Variants in CREB5 observed in about 807,000 individuals in gnomAD.
CREB5 encodes the protein cAMP responsive element binding protein 5.
CREB5 carries 19 observed loss-of-function variants against 57.1 expected under a neutral mutation model. The ratio of observed to expected loss-of-function variants is 0.33; its 90% CI spans 0.23 to 0.49. The LOEUF (loss-of-function observed/expected upper bound fraction) is 0.49, where lower values mean the gene tolerates loss of function less well. Among genes scored for constraint, CREB5 ranks in the 20% least tolerant of loss-of-function variants. CREB5 has a pLI of 0.99. For synonymous variants in CREB5, 238 were observed against 238.3 expected, an observed-to-expected ratio of 1.00 and a Z score of 0.01; for missense variants, 579 against 671.6, an observed-to-expected ratio of 0.86 and a Z score of 1.52.
At chr7:28,755,855 G>A (rs1354420918) in intron 7 of CREB5, among the ~76,000 whole-genome samples, 1 of 151,994 alleles carries the variant, frequency 6.6e-6, no homozygotes, top group Non-Finnish European at 1.5e-5. Flanking sequence ...AGTGTTAGTG[G>A]CCAAAGAGTG....
Position 28,542,563 on chromosome 7 carries a change from C to T in CREB5, c.292-27802C>T, listed in dbSNP as rs141770350. ...ACCAATCATCAGTAATGCAGAGGGA[C>T]GTGAGTGCACGGGTGTGTGTGTGAG... On this transcript the variant is annotated intron_variant, in intron 4 of 10. Coordinates refer to ENST00000357727, the MANE Select transcript of CREB5 (RefSeq NM_182898.4). 5.1e-3 allele frequency among the ~76,000 whole-genome samples: 776 copies of T among 152,158 alleles called. 6 individuals are homozygous for T. Among genetic ancestry groups the T allele is most frequent in the African/African-American group, 0.017 (696 of 41,520 alleles).
chr7:28,682,670 C>T (rs1157199443), intron 5 of CREB5, among the ~76,000 whole-genome samples: 1 of 141,670 alleles, frequency 7.1e-6, no homozygotes, highest in Non-Finnish European at 1.5e-5. Flanking sequence ...AGAATAAATT[C>T]AAACCTAAAA....
At chr7:28,779,735 A>G (rs1275993068) in intron 7 of CREB5, among the ~76,000 whole-genome samples, 15 of 152,286 alleles carry the variant, frequency 9.8e-5, no homozygotes, top group Non-Finnish European at 4.4e-5. Context: ...CTTGTTAGAA[A>G]TTTGGAATTT....
At chr7:28,730,096 G>A (rs1803532867) in intron 7 of CREB5, among the ~76,000 whole-genome samples, 1 of 152,170 alleles carries the variant, frequency 6.6e-6, no homozygotes, top group South Asian at 2.1e-4. Context: ...CCTGAATCAA[G>A]CACTTATGTA....
At chr7:28,811,226 C>T (rs118004020) in intron 9 of CREB5, among the ~76,000 whole-genome samples, 197 of 152,286 alleles carry the variant, frequency 1.3e-3, no homozygotes, top group Non-Finnish European at 2.1e-3. Flanking sequence ...ATGAATTCCT[C>T]ATAGCTGGAG....
At chr7:28,654,025 A>G (rs927339504) in intron 5 of CREB5, among the ~76,000 whole-genome samples, 1 of 151,840 alleles carries the variant, frequency 6.6e-6, no homozygotes, top group African/African-American at 2.4e-5. Context: ...TCCCCCATTT[A>G]CTTGCCTTTA....
chr7:28,706,797 C>G (rs979836785), intron 5 of CREB5, among the ~76,000 whole-genome samples: 1 of 152,162 alleles, frequency 6.6e-6, no homozygotes, highest in South Asian at 2.1e-4. Flanking sequence ...CCCCATACCC[C>G]CTGTTCAAGC....
rs1314317818 is a variant in CREB5, at chr7:28,560,891, T to TGCGCGCGCGCGTGCGCGTGC, written c.292-9473_292-9472insCGCGCGCGCGTGCGCGTGCG. ...CTGCGTGCGCGTGCGTGCGTGCGTG[T>TGCGCGCGCGCGTGCGCGTGC]GTGTGCGTGCGCGCGTGCGTGTGCG... is the stretch of plus-strand genomic sequence containing the variant. On this transcript the variant is annotated intron_variant, in intron 4 of 10. Transcript: ENST00000357727. Among the ~76,000 whole-genome samples the TGCGCGCGCGCGTGCGCGTGC allele has an allele frequency of 1.3e-3, 26 of 19,722 alleles. 1 individual carries two copies. Among genetic ancestry groups the TGCGCGCGCGCGTGCGCGTGC allele is most frequent in the Non-Finnish European group, 2.1e-3 (23 of 10,800 alleles). The allele number at this position is 19,722 out of a possible 152,430, so 12.9% of individuals were successfully genotyped here.
chr7:28,591,910 G>T (rs1365246544), intron 5 of CREB5, among the ~76,000 whole-genome samples: 3 of 152,182 alleles, frequency 2.0e-5, no homozygotes, highest in Non-Finnish European at 4.4e-5. Context: ...AAGTGAAGAA[G>T]CCCTGAGGGG....
chr7:28,804,535 C>A lies in CREB5; in HGVS notation c.1026+13C>A. On this transcript the variant is annotated intron_variant, in intron 8 of 10. Transcript: ENST00000357727. The stretch of plus-strand genomic sequence containing the variant: ...CAACCAAGCACAGGTAGACCTTTTC[C>A]GTGATCTCTTTCCCCTTCTTATTCT... The A allele has an allele frequency of 1.2e-6, 2 of 1,611,068 alleles. No individual in the cohort carries two copies. Among genetic ancestry groups the A allele is most frequent in the Non-Finnish European group, 1.7e-6 (2 of 1,177,474 alleles).
At position 28,825,865 on chromosome 7, in the gene CREB5, C is replaced by T. The variant is rs907468751; in HGVS notation, c.*6586C>T. 2 of 152,538 alleles carry T rather than the reference C, an allele frequency of 1.3e-5. No homozygotes were observed. The highest frequency in any genetic ancestry group is 4.1e-4 in the South Asian group (2 of 4,826). 9.4% of individuals were successfully genotyped at this position (152,538 alleles called of 1,614,324 possible). On this transcript the variant is annotated 3_prime_UTR_variant, in exon 11 of 11. Transcript: ENST00000357727. ...ACAAATGTTAATATCACTGCAATTC[C>T]AATATAATAAAGCACTCAAATGCAA...
chr7:28,733,698 C>T (rs1282800092), intron 7 of CREB5, among the ~76,000 whole-genome samples: 2 of 152,180 alleles, frequency 1.3e-5, no homozygotes, highest in Admixed American at 6.5e-5. Context: ...TCGCCGCCAG[C>T]CTGCAAGCTC....
At chr7:28,439,027 C>T (rs6462084) in intron 1 of CREB5, among the ~76,000 whole-genome samples, 148,864 of 152,290 alleles carry the variant, frequency 0.98, 72,771 homozygotes, top group East Asian at 1. Context: ...TAGTGATGTC[C>T]ACTCTGTTGT....
chr7:28,630,426 G>A (rs1163546161), intron 5 of CREB5, among the ~76,000 whole-genome samples: 1 of 152,174 alleles, frequency 6.6e-6, no homozygotes, highest in East Asian at 1.9e-4. Flanking sequence ...TCTCAGTCTA[G>A]TCTGTTTGAA....
At chr7:28,333,504 C>A (rs1554303460) in intron 1 of CREB5, among the ~76,000 whole-genome samples, 2 of 151,732 alleles carry the variant, frequency 1.3e-5, no homozygotes, top group Non-Finnish European at 2.9e-5. Flanking sequence ...TTATTTTTAC[C>A]TTTTTTTTGG....
chr7:28,441,740 C>G (rs1256168488), intron 1 of CREB5, among the ~76,000 whole-genome samples: 1 of 152,162 alleles, frequency 6.6e-6, no homozygotes, highest in Non-Finnish European at 1.5e-5. Flanking sequence ...GATAAAACCT[C>G]TGTGTCATTT....
intron 1 of CREB5, among the ~76,000 whole-genome samples, chr7:28,340,020 T>C (rs965476301): frequency 8.5e-5 from 13 of 152,142 alleles, no homozygotes; most frequent in African/African-American, 2.4e-4. Flanking sequence ...GTGGAGGACT[T>C]ACCCCTCAGG....
chr7:28,602,955 T>C (rs1301702442), intron 5 of CREB5, among the ~76,000 whole-genome samples: 1 of 152,262 alleles, frequency 6.6e-6, no homozygotes, highest in African/African-American at 2.4e-5. Context: ...GATGTTACCA[T>C]TGGAGGAAAC....
At chr7:28,416,676 A>G (rs1482496490) in intron 1 of CREB5, among the ~76,000 whole-genome samples, 1 of 152,218 alleles carries the variant, frequency 6.6e-6, no homozygotes, top group African/African-American at 2.4e-5. Flanking sequence ...TTCTAAAATC[A>G]TATCAGGGAA....
Sources: allele counts gnomAD v4.1 joint callset (sites outside exome capture counted in the v4.1 genomes callset), GRCh38; gene constraint gnomAD v4.1.1; transcripts MANE v1.5; gene names NCBI Gene and HGNC (gene_info 2026-07-23, HGNC 2026-07-21).